Variants in FGF14 observed in about 807,000 individuals in gnomAD.
FGF14 encodes the protein fibroblast growth factor homologous factor 4.
A neutral mutation model predicts 25.5 loss-of-function variants in FGF14; 5 were observed. The observed-to-expected ratio is 0.20, with a 90% CI of 0.10 to 0.41. The LOEUF (loss-of-function observed/expected upper bound fraction) is 0.41, where lower values mean the gene tolerates loss of function less well. FGF14 is among the 10% of genes least tolerant of loss of function. The pLI is 1.00. For synonymous variants in FGF14, 138 were observed against 118.3 expected (o/e 1.17, Z -1.08); for missense variants, 222 against 320.1 (o/e 0.69, Z 2.34).
intron 1 of FGF14, among the ~76,000 whole-genome samples, chr13:102,378,631 C>CTATCTATATATA (rs757841395): frequency 6.3e-5 from 9 of 141,826 alleles, no homozygotes; most frequent in Admixed American, 2.9e-4. Flanking sequence ...ATCTATCTAT[C>CTATCTATATATA]TATATATATA....
intron 1 of FGF14, among the ~76,000 whole-genome samples, chr13:102,361,002 TTATATCCCTGTCTA>T: frequency 6.6e-6 from 1 of 152,086 alleles, no homozygotes; most frequent in African/African-American, 2.4e-5. Flanking sequence ...CCCAGTGAAA[TTATATCCCTGTCTA>T]AATTGGAGAA....
intron 3 of FGF14, among the ~76,000 whole-genome samples, chr13:101,780,030 T>A (rs1354075049): frequency 6.6e-6 from 1 of 152,182 alleles, no homozygotes; most frequent in East Asian, 1.9e-4. Context: ...GGTCGCACAT[T>A]CGGATTTTGA....
chr13:101,948,480 T>C (rs2035957075), intron 1 of FGF14, among the ~76,000 whole-genome samples: 1 of 148,944 alleles, frequency 6.7e-6, no homozygotes, highest in South Asian at 2.1e-4. Flanking sequence ...AATATATATA[T>C]ATATATATAA....
intron 3 of FGF14, among the ~76,000 whole-genome samples, chr13:101,816,269 CAA>C (rs58615099): frequency 6.7e-5 from 6 of 89,010 alleles, no homozygotes; most frequent in Non-Finnish European, 6.4e-5. Flanking sequence ...GACTCCGTCT[CAA>C]AAAAAAAAAA....
chr13:101,889,947 G>T (rs986454483), intron 1 of FGF14, among the ~76,000 whole-genome samples: 1 of 152,024 alleles, frequency 6.6e-6, no homozygotes, highest in South Asian at 2.1e-4. Flanking sequence ...CTATATCAAG[G>T]CTTAGCTTAA....
intron 1 of FGF14, among the ~76,000 whole-genome samples, chr13:102,337,009 T>C (rs1298187163): frequency 6.6e-6 from 1 of 152,218 alleles, no homozygotes; most frequent in Admixed American, 6.5e-5. Context: ...GTACAGGAGA[T>C]TAATGTTGTT....
At chr13:101,864,042 A>G (rs1043187371) in intron 3 of FGF14, among the ~76,000 whole-genome samples, 1 of 152,174 alleles carries the variant, frequency 6.6e-6, no homozygotes, top group Non-Finnish European at 1.5e-5. Flanking sequence ...TCTTATGTAG[A>G]GTGGATAAGA....
intron 1 of FGF14, among the ~76,000 whole-genome samples, chr13:102,085,283 T>C (rs2043842891): frequency 6.6e-6 from 1 of 152,168 alleles, no homozygotes; most frequent in Non-Finnish European, 1.5e-5. Context: ...GCTACAAAAT[T>C]AATCAGCTCC....
chr13:101,906,343 T>A (rs895662878), intron 1 of FGF14, among the ~76,000 whole-genome samples: 1 of 152,108 alleles, frequency 6.6e-6, no homozygotes, highest in African/African-American at 2.4e-5. Context: ...GGTTAAACAA[T>A]TGTAAGTTGG....
intron 1 of FGF14, among the ~76,000 whole-genome samples, chr13:102,359,932 G>T (rs1006295381): frequency 6.6e-6 from 1 of 150,414 alleles, no homozygotes; most frequent in African/African-American, 2.4e-5. Context: ...AATAACAGAA[G>T]GAAATCTTAT....
In FGF14 at chr13:102,005,268, A is replaced by G. The variant is rs931529412; in HGVS notation, c.209-129972T>C. 2.6e-5 allele frequency among the ~76,000 whole-genome samples: 4 copies of G among 152,194 alleles called. No individual in the cohort carries two copies. In the South Asian group the frequency reaches 8.3e-4, roughly 32 times the overall value. On this transcript the variant is annotated intron_variant, in intron 1 of 4. Coordinates refer to the FGF14 transcript ENST00000376131. ...TGCTGTTATCAAAATCCCTACATGGATATATAATCAAATGCAAATAAGCCC... is the reference window on the plus strand; with the variant it reads ...TGCTGTTATCAAAATCCCTACATGGGTATATAATCAAATGCAAATAAGCCC...
chr13:102,129,154 G>A (rs1219253261), intron 1 of FGF14, among the ~76,000 whole-genome samples: 1 of 152,092 alleles, frequency 6.6e-6, no homozygotes, highest in African/African-American at 2.4e-5. Context: ...GGAGGCTGAG[G>A]CAGGAGAATC....
At chr13:101,883,181 A>T (rs929403738) in intron 1 of FGF14, among the ~76,000 whole-genome samples, 1 of 152,194 alleles carries the variant, frequency 6.6e-6, no homozygotes, top group Admixed American at 6.5e-5. Context: ...AACCAGTTAT[A>T]TGCATCTCTA....
At chr13:101,783,648 C>A (rs145245080) in intron 3 of FGF14, among the ~76,000 whole-genome samples, 77 of 152,120 alleles carry the variant, frequency 5.1e-4, no homozygotes, top group African/African-American at 1.7e-3. Flanking sequence ...TTAATAGTTT[C>A]TTTTGCTGTG....
chr13:101,823,103 T>A (rs2042234988), intron 3 of FGF14, among the ~76,000 whole-genome samples: 1 of 152,202 alleles, frequency 6.6e-6, no homozygotes, highest in African/African-American at 2.4e-5. Context: ...TATACATTCA[T>A]CCTTTCATGG....
At chr13:102,040,557 T>C (rs1402217490) in intron 1 of FGF14, among the ~76,000 whole-genome samples, 1 of 152,156 alleles carries the variant, frequency 6.6e-6, no homozygotes, top group Non-Finnish European at 1.5e-5. Context: ...TGCAATCATG[T>C]CACAAAAATA....
intron 1 of FGF14, among the ~76,000 whole-genome samples, chr13:102,094,158 C>G (rs569603598): frequency 6.6e-6 from 1 of 150,926 alleles, no homozygotes; most frequent in African/African-American, 2.4e-5. Context: ...TGCAAAATAC[C>G]TTTTTATCTT....
chr13:101,926,097 C>T (rs866681953), intron 1 of FGF14, among the ~76,000 whole-genome samples: 77 of 152,206 alleles, frequency 5.1e-4, no homozygotes, highest in African/African-American at 1.7e-3. Flanking sequence ...TTAATCACAT[C>T]TGCAAAATCG....
intron 1 of FGF14, chr13:102,395,007 C>T (rs1285075810): frequency 6.6e-6 from 1 of 152,582 alleles, no homozygotes; most frequent in African/African-American, 2.4e-5. Flanking sequence ...CACAGCGGCC[C>T]AGCACCCTGC....
Sources: gnomAD v4.1 joint callset for allele counts (sites outside exome capture counted in the v4.1 genomes callset) on GRCh38, gnomAD v4.1.1 for gene constraint, MANE v1.5 for transcripts, NCBI Gene and HGNC (gene_info 2026-07-23, HGNC 2026-07-21) for gene names.